Variants in ZNF503 observed in about 807,000 individuals in gnomAD.
The protein encoded by ZNF503 is zinc finger protein 503.
A neutral mutation model predicts 34.4 loss-of-function variants in ZNF503; 15 were observed. The observed-to-expected ratio is 0.44, with a 90% CI of 0.29 to 0.67. ZNF503 has a LOEUF of 0.67. ZNF503 is among the 30% of genes least tolerant of loss of function. The pLI is 0.13. For missense variants in ZNF503, 1,007 were observed against 926.8 expected, an observed-to-expected ratio of 1.09 and a Z score of -1.12; for synonymous variants, 580 against 456.8, an observed-to-expected ratio of 1.27 and a Z score of -3.44.
At chr10:75,389,170 A>T in the ZNF503 span, among the ~76,000 whole-genome samples, 3 of 152,220 alleles carry the variant, frequency 2.0e-5, no homozygotes, top group Admixed American at 6.5e-5. Context: ...ATGGAGAGAC[A>T]CACAGAGAGT....
At chr10:75,334,383 G>A in the ZNF503 span, among the ~76,000 whole-genome samples, 6 of 152,190 alleles carry the variant, frequency 3.9e-5, no homozygotes, top group Non-Finnish European at 8.8e-5. Context: ...CCATGTATAA[G>A]TCACCTAGAA....
At position 75,399,889 on chromosome 10, in the gene ZNF503, G is replaced by C; in HGVS notation, c.801C>G (p.Thr267=). The C allele has an allele frequency of 6.2e-7, 1 of 1,601,782 alleles. No individual in the cohort carries two copies. Among genetic ancestry groups the C allele is most frequent in the Non-Finnish European group, 8.5e-7 (1 of 1,176,080 alleles). The change falls in exon 2 of 2, where the codon ACC becomes ACG. Residue 267 remains threonine, a synonymous_variant. Coordinates refer to ENST00000372524, the MANE Select transcript of ZNF503 (RefSeq NM_032772.6). The stretch of plus-strand genomic sequence containing the variant: ...GTCCCCCTTCGGCCGAGGCGCCCCC[G>C]GTGCCCTTGCCACCGCCGCCCACGT... ...DTDVGGGGKG[T]GGASAEGGPT...
the ZNF503 span, among the ~76,000 whole-genome samples, chr10:75,334,416 T>G: frequency 6.6e-6 from 1 of 152,216 alleles, no homozygotes; most frequent in African/African-American, 2.4e-5. Context: ...TATTTAGTCT[T>G]TCTCTGGTTT....
the ZNF503 span, chr10:75,299,189 C>T: frequency 6.6e-6 from 1 of 152,198 alleles, no homozygotes; most frequent in African/African-American, 2.4e-5. Context: ...CCTCGGCCTC[C>T]CAAAGTGCTG....
At chr10:75,289,664 C>T in the ZNF503 span, among the ~76,000 whole-genome samples, 1 of 152,112 alleles carries the variant, frequency 6.6e-6, no homozygotes, top group African/African-American at 2.4e-5. Context: ...CAGCTCACTG[C>T]AACCTCCGCC....
chr10:75,300,559 G>T, the ZNF503 span, among the ~76,000 whole-genome samples: 6 of 152,158 alleles, frequency 3.9e-5, no homozygotes, highest in East Asian at 1.9e-4. Context: ...ACAGGCATAA[G>T]AAATTATAAA....
the ZNF503 span, among the ~76,000 whole-genome samples, chr10:75,342,847 C>T: frequency 3.3e-5 from 5 of 152,148 alleles, no homozygotes; most frequent in Non-Finnish European, 7.3e-5. Context: ...CTCACGGTAT[C>T]CCCAGACCTT....
At chr10:75,381,879 T>G in the ZNF503 span, among the ~76,000 whole-genome samples, 25 of 132,236 alleles carry the variant, frequency 1.9e-4, no homozygotes, top group Non-Finnish European at 1.3e-4. Context: ...CAATCTCTGC[T>G]CACTGCAACC....
chr10:75,309,682 A>G, the ZNF503 span, among the ~76,000 whole-genome samples: 1 of 152,260 alleles, frequency 6.6e-6, no homozygotes, highest in Non-Finnish European at 1.5e-5. Flanking sequence ...ACAGAAAATT[A>G]ATGTCTTGCT....
At chr10:75,297,740 A>G in the ZNF503 span, among the ~76,000 whole-genome samples, 1 of 152,250 alleles carries the variant, frequency 6.6e-6, no homozygotes, top group Non-Finnish European at 1.5e-5. Flanking sequence ...TATGAAATAC[A>G]TACATAAAAG....
the ZNF503 span, among the ~76,000 whole-genome samples, chr10:75,388,523 C>A: frequency 2.8e-4 from 42 of 152,286 alleles, no homozygotes; most frequent in Admixed American, 2.4e-3. Context: ...TGCAGTGTAG[C>A]AAAGAGTGAA....
Position 75,400,046 on chromosome 10 carries a change from G to A in ZNF503, c.644C>T (p.Pro215Leu), listed in dbSNP as rs759296161. 3 of 1,593,224 alleles carry A rather than the reference G, an allele frequency of 1.9e-6. No individual in the cohort carries two copies. Among genetic ancestry groups the A allele is most frequent in the South Asian group, 1.1e-5 (1 of 88,630 alleles). ...CGTGAATGGCTGGCAGGTGGCGCTC[G>A]GTACCCGGAATCCCGACTTCTCCGA... ...VSSEKSGFRV[P>L]SATCQPFTPR... is the part of the protein sequence containing the mutation. The change falls in exon 2 of 2, where the codon CCG (proline) becomes CTG (leucine). Residue 215 changes from proline to leucine, a missense_variant. By Grantham distance (98) the Pro-to-Leu change is moderately conservative. Transcript: ENST00000372524.
downstream of ZNF503, among the ~76,000 whole-genome samples, chr10:75,397,356 C>T (rs569012676): frequency 1.3e-5 from 2 of 152,336 alleles, no homozygotes; most frequent in South Asian, 4.1e-4. Context: ...CAGGTTCCCC[C>T]AGCGCCCCTC....
the ZNF503 span, among the ~76,000 whole-genome samples, chr10:75,302,627 T>G: frequency 1.3e-5 from 2 of 152,222 alleles, no homozygotes; most frequent in Non-Finnish European, 2.9e-5. Context: ...CCAGGATATG[T>G]GAGGAATCTC....
At chr10:75,289,485 C>T in the ZNF503 span, among the ~76,000 whole-genome samples, 1 of 152,130 alleles carries the variant, frequency 6.6e-6, no homozygotes, top group Non-Finnish European at 1.5e-5. Context: ...AGGGCCAACT[C>T]GAAGACTGGG....
the ZNF503 span, among the ~76,000 whole-genome samples, chr10:75,352,600 G>T: frequency 6.6e-6 from 1 of 152,298 alleles, no homozygotes; most frequent in South Asian, 2.1e-4. Flanking sequence ...GTCTTGGCTG[G>T]ACTGAGCTGC....
the ZNF503 span, among the ~76,000 whole-genome samples, chr10:75,310,109 A>T: frequency 6.6e-6 from 1 of 152,358 alleles, no homozygotes; most frequent in Non-Finnish European, 1.5e-5. Flanking sequence ...TTAGATCAAG[A>T]GCATTTTGTA....
chr10:75,330,144 G>C, the ZNF503 span, among the ~76,000 whole-genome samples: 3 of 152,170 alleles, frequency 2.0e-5, no homozygotes. Flanking sequence ...CTGTTGATGT[G>C]ATGTACCACA....
At chr10:75,284,769 C>A in the ZNF503 span, among the ~76,000 whole-genome samples, 1 of 152,174 alleles carries the variant, frequency 6.6e-6, no homozygotes, top group East Asian at 1.9e-4. Context: ...GAGAGTCAGT[C>A]TTTATTTACA....
Sources: gnomAD v4.1 joint callset for allele counts (sites outside exome capture counted in the v4.1 genomes callset) on GRCh38, gnomAD v4.1.1 for gene constraint, MANE v1.5 for transcripts, NCBI Gene and HGNC (gene_info 2026-07-23, HGNC 2026-07-21) for gene names.